The following COL13A1 variants were observed in gnomAD, a reference collection of about 807,000 sequenced individuals.
The protein encoded by COL13A1 is collagen type XIII alpha 1 chain, also known as collagen alpha-1(XIII) chain.
COL13A1 carries 89 observed loss-of-function variants against 130.9 expected under a neutral mutation model. That is an observed-to-expected ratio of 0.68 (90% CI 0.57 to 0.81). The LOEUF (loss-of-function observed/expected upper bound fraction) is 0.81, where lower values mean the gene tolerates loss of function less well. COL13A1 is among the 30% of genes least tolerant of loss of function. COL13A1 has a pLI of 0.00. For synonymous variants in COL13A1, 402 were observed against 341.6 expected (o/e 1.18, Z -1.95); for missense variants, 879 against 934.6 (o/e 0.94, Z 0.78).
At chr10:69,944,993 C>T (rs1160208928) in intron 36 of COL13A1, among the ~76,000 whole-genome samples, 3 of 152,246 alleles carry the variant, frequency 2.0e-5, no homozygotes, top group Non-Finnish European at 4.4e-5. Context: ...ACTTGCAGTT[C>T]CTGGCCTGTC....
intron 2 of COL13A1, among the ~76,000 whole-genome samples, chr10:69,852,614 G>A (rs904544021): frequency 3.9e-5 from 6 of 152,258 alleles, no homozygotes; most frequent in African/African-American, 7.2e-5. Flanking sequence ...GCAGGGTGGG[G>A]TGACTGGGCT....
intron 38 of COL13A1, 67 bp from the exon 39 acceptor site, chr10:69,952,815 C>A (rs1217282532): frequency 1.8e-6 from 2 of 1,104,784 alleles, no homozygotes; most frequent in East Asian, 5.5e-5. Context: ...TTTCTGTCTT[C>A]AACCTTAACA....
intron 19 of COL13A1, 55 bp downstream of exon 19, chr10:69,918,372 G>A (rs373938497): frequency 4.0e-4 from 631 of 1,578,072 alleles, no homozygotes; most frequent in Non-Finnish European, 4.7e-4. Context: ...AGAAGAGAGC[G>A]GGCAGAGCTG....
At chr10:69,866,809 G>A (rs1219153530) in intron 2 of COL13A1, among the ~76,000 whole-genome samples, 1 of 152,178 alleles carries the variant, frequency 6.6e-6, no homozygotes, top group Non-Finnish European at 1.5e-5. Context: ...GCCGGCTCTG[G>A]GAATGGGAGG....
intron 2 of COL13A1, among the ~76,000 whole-genome samples, chr10:69,863,193 C>T (rs1858698939): frequency 1.3e-5 from 2 of 152,214 alleles, no homozygotes; most frequent in South Asian, 4.1e-4. Flanking sequence ...TTTTCAGCAG[C>T]ATCCCTGGCC....
chr10:69,895,747 G>A (rs987327378), intron 13 of COL13A1, among the ~76,000 whole-genome samples, 171 bp downstream of exon 13: 59 of 152,110 alleles, frequency 3.9e-4, no homozygotes, highest in African/African-American at 1.4e-3. Context: ...GGATGGTGGT[G>A]CGTCTGGTGG....
chr10:69,893,475 T>C (rs527991250), intron 10 of COL13A1, among the ~76,000 whole-genome samples: 5 of 152,278 alleles, frequency 3.3e-5, no homozygotes, highest in African/African-American at 1.2e-4. Flanking sequence ...AGTTTGGAGG[T>C]GGCCCTGTTG....
intron 1 of COL13A1, among the ~76,000 whole-genome samples, chr10:69,809,687 A>T (rs1842452336): frequency 6.6e-6 from 1 of 152,226 alleles, no homozygotes; most frequent in South Asian, 2.1e-4. Flanking sequence ...GGGGCTGGGG[A>T]TCTGTTCAGT....
At position 69,918,865 on chromosome 10, in the gene COL13A1, G is replaced by A. The variant is rs7077888; in HGVS notation, c.1000-197G>A. On this transcript the variant is annotated intron_variant, in intron 19 of 40. Coordinates refer to ENST00000645393, the MANE Select transcript of COL13A1 (RefSeq NM_001368882.1). ...ACACCCCTCACCTGGGGAAGAATAG[G>A]ACCCTCTAAGGGTCAGTAGCCTGAT... Among the ~76,000 whole-genome samples, 409 of 152,276 alleles carry A rather than the reference G, an allele frequency of 2.7e-3. 2 individuals are homozygous for A. Among genetic ancestry groups the A allele is most frequent in the African/African-American group, 9.3e-3 (387 of 41,562 alleles).
chr10:69,898,303 T>C (rs573200674), intron 13 of COL13A1, among the ~76,000 whole-genome samples: 59 of 152,298 alleles, frequency 3.9e-4, no homozygotes, highest in African/African-American at 1.4e-3. Flanking sequence ...CAGTGCAACG[T>C]TGGGCTGTGT....
At chr10:69,885,849 G>A (rs190952393) in intron 7 of COL13A1, among the ~76,000 whole-genome samples, 1 of 152,270 alleles carries the variant, frequency 6.6e-6, no homozygotes, top group Non-Finnish European at 1.5e-5. Flanking sequence ...CCTTCCGATA[G>A]ATGAGTGGGA....
chr10:69,874,325 G>A (rs2059374902), intron 4 of COL13A1, among the ~76,000 whole-genome samples: 1 of 152,128 alleles, frequency 6.6e-6, no homozygotes, highest in Non-Finnish European at 1.5e-5. Context: ...CAAACCACCT[G>A]ATTCTCCGCA....
intron 7 of COL13A1, among the ~76,000 whole-genome samples, chr10:69,884,796 T>C (rs925428573): frequency 3.9e-5 from 6 of 152,168 alleles, no homozygotes; most frequent in Admixed American, 2.0e-4. Context: ...CTACTAGATA[T>C]CAAAATGTAT....
At chr10:69,807,192 A>C (rs1841822416) in intron 1 of COL13A1, among the ~76,000 whole-genome samples, 1 of 152,148 alleles carries the variant, frequency 6.6e-6, no homozygotes, top group African/African-American at 2.4e-5. Context: ...ACAGGGGCCA[A>C]TGCTATGCGT....
At chr10:69,952,621 T>G (rs1176059796) in intron 38 of COL13A1, among the ~76,000 whole-genome samples, 1 of 152,226 alleles carries the variant, frequency 6.6e-6, no homozygotes, top group African/African-American at 2.4e-5. Context: ...ATCTTCAGTC[T>G]GTGGTTCCCT....
At chr10:69,913,473 A>T (rs1335480797) in intron 17 of COL13A1, among the ~76,000 whole-genome samples, 1 of 152,174 alleles carries the variant, frequency 6.6e-6, no homozygotes, top group Non-Finnish European at 1.5e-5. Flanking sequence ...TTTAAATAGG[A>T]AAACCTAGGA....
intron 2 of COL13A1, among the ~76,000 whole-genome samples, chr10:69,848,670 C>T (rs1438328506): frequency 6.6e-6 from 1 of 152,240 alleles, no homozygotes; most frequent in Non-Finnish European, 1.5e-5. Flanking sequence ...CTGCCTTCCC[C>T]ACGCCACACT....
chr10:69,881,405 C>T (rs1177304529), intron 7 of COL13A1, among the ~76,000 whole-genome samples: 1 of 152,120 alleles, frequency 6.6e-6, no homozygotes, highest in Admixed American at 6.5e-5. Flanking sequence ...CCTGACCCGC[C>T]GTGCTCAGTG....
intron 2 of COL13A1, among the ~76,000 whole-genome samples, chr10:69,861,430 A>C (rs2133838751): frequency 6.6e-6 from 1 of 152,228 alleles, no homozygotes; most frequent in East Asian, 1.9e-4. Flanking sequence ...TTGCTCGTAC[A>C]TTCCAGTCTC....
Sources: allele counts gnomAD v4.1 joint callset (sites outside exome capture counted in the v4.1 genomes callset), GRCh38; gene constraint gnomAD v4.1.1; transcripts MANE v1.5; gene names NCBI Gene and HGNC (gene_info 2026-07-23, HGNC 2026-07-21).